Variants in IQCE observed in about 807,000 individuals in gnomAD.
The protein encoded by IQCE is IQ domain-containing protein E.
Under a neutral mutation model 96.0 loss-of-function variants are expected in IQCE, and 115 were observed. The observed-to-expected ratio is 1.20, with a 90% confidence interval of 1.03 to 1.40. The LOEUF is 1.40. Ranked by LOEUF, IQCE falls within the 40% of genes most tolerant of loss-of-function variation. IQCE has a pLI of 0.00. For synonymous variants in IQCE, 412 were observed against 371.2 expected, an observed-to-expected ratio of 1.11 and a Z score of -1.26; for missense variants, 1,041 against 909.1, an observed-to-expected ratio of 1.15 and a Z score of -1.87.
At chr7:2,597,244 A>AG (rs1362194979) in intron 16 of IQCE, 1 of 413,902 alleles carries the variant, frequency 2.4e-6, no homozygotes, top group Non-Finnish European at 5.0e-6. Flanking sequence ...TGGGTGATTA[A>AG]GGCTGAGAAA....
rs115662891 is a variant in IQCE at position 2,570,327 on chromosome 7, C to T, written c.131-1199C>T. 9.7e-3 allele frequency among the ~76,000 whole-genome samples: 1,476 copies of T among 152,162 alleles called. 32 individuals carry two copies. The highest frequency in any genetic ancestry group is 0.034 in the Middle Eastern group (10 of 292). ...CGCTTTCATGCTTTCCTGAGGAACC[C>T]TTCCTACTCGCCGATAAGCCCACAC... On this transcript the variant is annotated intron_variant, in intron 3 of 21. Coordinates refer to ENST00000402050, the MANE Select transcript of IQCE (RefSeq NM_152558.5).
rs1309420665 is a variant in IQCE, at chr7:2,598,467, C to A, written c.1443C>A (p.Ala481=). 2 of 1,573,350 alleles carry A rather than the reference C, an allele frequency of 1.3e-6. No individual in the cohort carries two copies. The highest frequency in any genetic ancestry group is 2.3e-5 in the East Asian group (1 of 43,766). ...KEDCPEVPHK[A]QELPAPTPSS... Reference sequence around the variant, plus strand: ...CTTACTCCTTCAATTTCCTGCAGGCCCAAGAGCTCCCAGCTCCCACTCCCA... The same window carrying A: ...CTTACTCCTTCAATTTCCTGCAGGCACAAGAGCTCCCAGCTCCCACTCCCA... Residue 481 remains alanine, a splice_region_variant and synonymous_variant, in exon 17 of 22, where the codon GCC becomes GCA. Coordinates refer to ENST00000402050, the MANE Select transcript of IQCE (RefSeq NM_152558.5).
rs1218956653 is a variant in IQCE at position 2,610,025 on chromosome 7, C to T, written c.1970-19C>T. ...AGGTCAGCGTGGCTGACCCCTCTCCCTGTGGTTCATTTCTGCAGACCCCTC... is the reference window on the plus strand; with the variant it reads ...AGGTCAGCGTGGCTGACCCCTCTCCTTGTGGTTCATTTCTGCAGACCCCTC... On this transcript the variant is annotated intron_variant, in intron 21 of 21. Transcript: ENST00000402050. 1.4e-6 allele frequency: 2 copies of T among 1,397,584 alleles called. No homozygotes were observed. Among genetic ancestry groups the T allele is most frequent in the Admixed American group, 1.7e-5 (1 of 59,668 alleles). The allele number at this position is 1,397,584 out of a possible 1,614,324, so 86.6% of individuals were successfully genotyped here. A position where few individuals can be genotyped will look rare whatever the true frequency, so the allele number is the denominator to read the frequency against.
rs1562692451 is a variant in IQCE at position 2,612,201 on chromosome 7, C to G, written c.*2039C>G. On this transcript the variant is annotated 3_prime_UTR_variant, in exon 22 of 22. Coordinates refer to ENST00000402050, the MANE Select transcript of IQCE (RefSeq NM_152558.5). ...TGCCTCAGGCTTGGAGGCCAATGTT[C>G]CATACATAAACCGCCATGTCCTCTG... 6.6e-6 allele frequency: 1 copy of G among 152,200 alleles called. No individual in the cohort carries two copies. Among genetic ancestry groups the G allele is most frequent in the Non-Finnish European group, 1.5e-5 (1 of 68,058 alleles). The allele number at this position is 152,200 out of a possible 1,614,324, so 9.4% of individuals were successfully genotyped here. A position where few individuals can be genotyped will look rare whatever the true frequency, so the allele number is the denominator to read the frequency against.
chr7:2,593,180 T>A, intron 15 of IQCE, 54 bp downstream of exon 15: 1 of 1,548,054 alleles, frequency 6.5e-7, no homozygotes, highest in Non-Finnish European at 8.8e-7. Context: ...GCACTCCTGC[T>A]ACCACTGCGG....
At position 2,586,695 on chromosome 7, in the gene IQCE, G is replaced by A. The variant is rs1464339171; in HGVS notation, c.988+324G>A. ...GGAGGACACATTTTGGGGTGAGGCA[G>A]GTGGTGTGTGCAGCTGCAAGCAGGG... On this transcript the variant is annotated intron_variant, in intron 12 of 21. Coordinates refer to ENST00000402050, the MANE Select transcript of IQCE (RefSeq NM_152558.5). Among the ~76,000 whole-genome samples the A allele has an allele frequency of 2.6e-5, 4 of 152,166 alleles. No individual in the cohort carries two copies. In the East Asian group the frequency reaches 5.8e-4, roughly 22 times the overall value.
At chr7:2,597,217 T>G (rs1554316180) in intron 16 of IQCE, 1 of 444,956 alleles carries the variant, frequency 2.2e-6, no homozygotes, top group Non-Finnish European at 4.7e-6. Flanking sequence ...GGTCTTCAGC[T>G]GTCCCGCACC....
At chr7:2,568,396 G>A (rs886250002) in intron 2 of IQCE, among the ~76,000 whole-genome samples, 3 of 152,144 alleles carry the variant, frequency 2.0e-5, no homozygotes, top group Non-Finnish European at 4.4e-5. Flanking sequence ...CAGGCATCTC[G>A]GATATGGGAC....
chr7:2,580,820 A>G (rs1782607420), intron 8 of IQCE, among the ~76,000 whole-genome samples: 1 of 152,244 alleles, frequency 6.6e-6, no homozygotes, highest in Non-Finnish European at 1.5e-5. Flanking sequence ...ACACACGGCC[A>G]TGCACAGAAC....
At position 2,586,237 on chromosome 7, in the gene IQCE, A is replaced by G. The variant is rs765076819; in HGVS notation, c.854A>G (p.Lys285Arg). ...KPLGEKKTGA[K>R]RQKKMGSALL... ...CTGGGGGAGAAGAAGACGGGCGCCAAAAGGCAGAAGAAGATGGGCAGTGCC... is the reference window on the plus strand; with the variant it reads ...CTGGGGGAGAAGAAGACGGGCGCCAGAAGGCAGAAGAAGATGGGCAGTGCC... Residue 285 changes from lysine to arginine, a missense_variant, in exon 12 of 22, where the codon AAA becomes AGA. Transcript: ENST00000402050. 6.2e-7 allele frequency: 1 copy of G among 1,613,944 alleles called. No individual in the cohort carries two copies. The highest frequency in any genetic ancestry group is 1.1e-5 in the South Asian group (1 of 91,070).
At chr7:2,606,486 A>G (rs1318934039) in intron 20 of IQCE, among the ~76,000 whole-genome samples, 1 of 152,090 alleles carries the variant, frequency 6.6e-6, no homozygotes, top group Non-Finnish European at 1.5e-5. Flanking sequence ...AACCCCTTGA[A>G]GTGAGCCTGG....
chr7:2,570,858 T>C (rs1302695771), intron 3 of IQCE, among the ~76,000 whole-genome samples: 1 of 152,202 alleles, frequency 6.6e-6, no homozygotes, highest in African/African-American at 2.4e-5. Flanking sequence ...TCTGTCACTA[T>C]GTAGTGACAT....
chr7:2,609,637 AGT>A (rs1402527005), intron 21 of IQCE, among the ~76,000 whole-genome samples: 1 of 151,878 alleles, frequency 6.6e-6, no homozygotes. Context: ...AGGTGAGGAG[AGT>A]GAGGCTTTCT....
intron 6 of IQCE, among the ~76,000 whole-genome samples, chr7:2,577,481 T>C (rs577750832): frequency 2.5e-4 from 31 of 126,320 alleles, no homozygotes; most frequent in Middle Eastern, 4.7e-3. Context: ...GTGCGGCGTA[T>C]ACGCATTGGC....
chr7:2,598,657 G>C, intron 17 of IQCE, 25 bp downstream of exon 17: 2 of 1,482,264 alleles, frequency 1.3e-6, no homozygotes, highest in African/African-American at 1.4e-5. Flanking sequence ...GGCGACCCGG[G>C]CTGCTCCCTG....
At chr7:2,586,096 A>G (rs1398252370) in intron 11 of IQCE, 112 bp from the exon 12 acceptor site, 2 of 1,014,502 alleles carry the variant, frequency 2.0e-6, no homozygotes, top group African/African-American at 1.6e-5. Context: ...TGCAAAAACC[A>G]CTCTGAGCTC....
chr7:2,565,099 T>TGC (rs780690364), intron 1 of IQCE, among the ~76,000 whole-genome samples: 10 of 147,144 alleles, frequency 6.8e-5, no homozygotes, highest in African/African-American at 2.3e-4. Context: ...TGTGTGTGCG[T>TGC]GTGTGTGTGT....
chr7:2,584,129 C>G, intron 10 of IQCE, 107 bp from the exon 11 acceptor site: 1 of 987,910 alleles, frequency 1.0e-6, no homozygotes. Context: ...ACTTAGTTCC[C>G]GCTTCTGGCC....
chr7:2,578,562 A>G (rs770627423), intron 8 of IQCE, 36 bp downstream of exon 8: 30 of 1,610,498 alleles, frequency 1.9e-5, no homozygotes, highest in Non-Finnish European at 2.5e-5. Context: ...GCCTTTCCCC[A>G]GACGCTAGTT....
Sources: gnomAD v4.1 joint callset for allele counts (sites outside exome capture counted in the v4.1 genomes callset) on GRCh38, gnomAD v4.1.1 for gene constraint, MANE v1.5 for transcripts, NCBI Gene and HGNC (gene_info 2026-07-23, HGNC 2026-07-21) for gene names.